The following PRKN variants were observed in gnomAD, a reference collection of about 807,000 sequenced individuals.
PRKN encodes E3 ubiquitin-protein ligase parkin.
PRKN carries 56 observed loss-of-function variants against 59.5 expected under a neutral mutation model. That is an observed-to-expected ratio of 0.94 (90% confidence interval 0.76 to 1.18). PRKN has a LOEUF of 1.18. Among genes scored for constraint, PRKN ranks in the 50% most tolerant of loss-of-function variants. The probability of loss-of-function intolerance (pLI) is 0.00; values close to 1 mark genes in which losing one functional copy is unlikely to be tolerated. For missense variants in PRKN, 657 were observed against 596.4 expected, an observed-to-expected ratio of 1.10 and a Z score of -1.06; for synonymous variants, 250 against 222.1, an observed-to-expected ratio of 1.13 and a Z score of -1.12.
At chr6:161,507,740 A>T (rs568893) in intron 9 of PRKN, among the ~76,000 whole-genome samples, 10 of 151,870 alleles carry the variant, frequency 6.6e-5, no homozygotes, top group Admixed American at 5.9e-4. Context: ...ATCCCATTTT[A>T]GGTGGTATTT....
At chr6:162,313,039 G>A (rs1038834370) in intron 2 of PRKN, among the ~76,000 whole-genome samples, 3 of 152,052 alleles carry the variant, frequency 2.0e-5, no homozygotes, top group Admixed American at 6.6e-5. Flanking sequence ...GCCAAAGAAA[G>A]AATTATTCAT....
chr6:162,176,916 C>T (rs1783562716), intron 4 of PRKN, among the ~76,000 whole-genome samples: 1 of 124,576 alleles, frequency 8.0e-6, no homozygotes, highest in Non-Finnish European at 1.6e-5. Context: ...AGACTCTGAA[C>T]ACAATGAAAT....
intron 1 of PRKN, among the ~76,000 whole-genome samples, chr6:162,673,128 C>T (rs1779399310): frequency 6.6e-6 from 1 of 151,014 alleles, no homozygotes; most frequent in African/African-American, 2.5e-5. Context: ...TTTATTTCTC[C>T]TATTTTCCTA....
At chr6:162,079,480 T>C (rs1778971181) in intron 4 of PRKN, among the ~76,000 whole-genome samples, 1 of 152,124 alleles carries the variant, frequency 6.6e-6, no homozygotes, top group African/African-American at 2.4e-5. Flanking sequence ...GTCAACTAAT[T>C]TTGTGCTGTC....
chr6:161,902,021 G>A (rs1281278771), intron 6 of PRKN, among the ~76,000 whole-genome samples: 7 of 152,132 alleles, frequency 4.6e-5, no homozygotes, highest in South Asian at 2.1e-4. Context: ...CTTTGCTTCC[G>A]AATGGTACTT....
At chr6:161,883,903 T>G (rs1795037796) in intron 6 of PRKN, among the ~76,000 whole-genome samples, 1 of 152,190 alleles carries the variant, frequency 6.6e-6, no homozygotes, top group African/African-American at 2.4e-5. Context: ...TCCGCCCATC[T>G]TGGCCTCCCA....
At chr6:161,661,592 T>A (rs895250489) in intron 7 of PRKN, among the ~76,000 whole-genome samples, 8 of 151,920 alleles carry the variant, frequency 5.3e-5, no homozygotes, top group African/African-American at 1.9e-4. Context: ...GTCTCATTTC[T>A]GTATATTTGC....
chr6:162,586,260 A>G (rs1781051372), intron 1 of PRKN, among the ~76,000 whole-genome samples: 1 of 152,188 alleles, frequency 6.6e-6, no homozygotes, highest in South Asian at 2.1e-4. Context: ...CCTTCTAACT[A>G]CGTGATAAAG....
At chr6:162,070,107 T>C (rs1404471954) in intron 4 of PRKN, among the ~76,000 whole-genome samples, 1 of 152,224 alleles carries the variant, frequency 6.6e-6, no homozygotes, top group Non-Finnish European at 1.5e-5. Flanking sequence ...GAGCCACACA[T>C]GGATTACTTG....
chr6:162,192,545 C>T (rs1784328299), intron 4 of PRKN, among the ~76,000 whole-genome samples: 2 of 146,116 alleles, frequency 1.4e-5, no homozygotes, highest in African/African-American at 5.1e-5. Context: ...CTTGACTTTC[C>T]AGGCTCAATG....
rs567036701 is a variant in PRKN, at chr6:162,193,520, C to G, written c.534+7611G>C. The stretch of plus-strand genomic sequence containing the variant: ...CATCCTCTTCTTCTCTTAACTATGC[C>G]TCTGCTCCATGAGACCCTCAGCTAA... On this transcript the variant is annotated intron_variant, in intron 4 of 11. Coordinates refer to ENST00000366898, the MANE Select transcript of PRKN (RefSeq NM_004562.3). 8.0e-4 allele frequency among the ~76,000 whole-genome samples: 122 copies of G among 152,282 alleles called. 1 individual carries two copies. Among genetic ancestry groups the G allele is most frequent in the Non-Finnish European group, 1.5e-3 (101 of 68,028 alleles).
At chr6:162,066,327 G>A (rs1314287061) in intron 4 of PRKN, among the ~76,000 whole-genome samples, 2 of 152,064 alleles carry the variant, frequency 1.3e-5, no homozygotes, top group Admixed American at 6.6e-5. Flanking sequence ...ATCCTTAAAA[G>A]GCCATCCTTT....
chr6:161,764,906 T>C (rs1396703212), intron 7 of PRKN, among the ~76,000 whole-genome samples: 2 of 152,198 alleles, frequency 1.3e-5, no homozygotes, highest in Non-Finnish European at 2.9e-5. Flanking sequence ...TTCTCTTGTA[T>C]TCAAACTCCT....
At chr6:162,281,099 G>A (rs1780884304) in intron 2 of PRKN, among the ~76,000 whole-genome samples, 1 of 152,124 alleles carries the variant, frequency 6.6e-6, no homozygotes, top group African/African-American at 2.4e-5. Flanking sequence ...CAAAAAGGAT[G>A]AGTTCATGTC....
intron 5 of PRKN, among the ~76,000 whole-genome samples, chr6:161,993,802 C>T (rs550207468): frequency 1.3e-5 from 2 of 152,286 alleles, no homozygotes; most frequent in South Asian, 2.1e-4. Context: ...TGGTGAAGGG[C>T]TCAGGCTGCT....
chr6:162,546,348 C>T (rs1424917932), intron 1 of PRKN, among the ~76,000 whole-genome samples: 1 of 152,072 alleles, frequency 6.6e-6, no homozygotes, highest in Admixed American at 6.5e-5. Flanking sequence ...AGTGATCCGC[C>T]TGCCTCGGTC....
At chr6:162,246,249 G>A (rs916665837) in intron 3 of PRKN, among the ~76,000 whole-genome samples, 1 of 152,000 alleles carries the variant, frequency 6.6e-6, no homozygotes, top group African/African-American at 2.4e-5. Context: ...TCTGACTACT[G>A]TCCTTATAGG....
intron 9 of PRKN, among the ~76,000 whole-genome samples, chr6:161,452,054 C>G (rs982649420): frequency 6.6e-6 from 1 of 151,850 alleles, no homozygotes; most frequent in Non-Finnish European, 1.5e-5. Context: ...CTCCCGGGTT[C>G]AAGCGATTCT....
chr6:162,319,727 C>T (rs1782907270), intron 2 of PRKN, among the ~76,000 whole-genome samples: 1 of 151,800 alleles, frequency 6.6e-6, no homozygotes, highest in African/African-American at 2.4e-5. Context: ...TAACATTTGC[C>T]TAATATAAAT....
Sources: gnomAD v4.1 joint callset for allele counts (sites outside exome capture counted in the v4.1 genomes callset) on GRCh38, gnomAD v4.1.1 for gene constraint, MANE v1.5 for transcripts, NCBI Gene and HGNC (gene_info 2026-07-23, HGNC 2026-07-21) for gene names.